The following PPP1R16B variants were observed in gnomAD, a reference collection of about 807,000 sequenced individuals.
PPP1R16B encodes protein phosphatase 1 regulatory subunit 16B, also known as protein phosphatase 1 regulatory inhibitor subunit 16B.
A neutral mutation model predicts 61.7 loss-of-function variants in PPP1R16B; 14 were observed. The ratio of observed to expected loss-of-function variants is 0.23; its 90% confidence interval spans 0.15 to 0.35. The LOEUF is 0.35. PPP1R16B is among the 10% of genes least tolerant of loss of function. The pLI is 1.00. For missense variants in PPP1R16B, 547 were observed against 752.5 expected (o/e 0.73, Z 3.19); for synonymous variants, 266 against 305.3 (o/e 0.87, Z 1.34).
chr20:38,817,672 T>G (rs1213465591), intron 1 of PPP1R16B, among the ~76,000 whole-genome samples: 1 of 152,004 alleles, frequency 6.6e-6, no homozygotes, highest in East Asian at 1.9e-4. Flanking sequence ...GCTATTGTCA[T>G]TTTAGCACTT....
At chr20:38,808,930 G>A (rs1167102908) in intron 1 of PPP1R16B, among the ~76,000 whole-genome samples, 2 of 152,128 alleles carry the variant, frequency 1.3e-5, no homozygotes, top group Non-Finnish European at 2.9e-5. Context: ...CTACTTGGGA[G>A]GCTGAGGCAC....
chr20:38,816,173 C>A (rs76642326), intron 1 of PPP1R16B, among the ~76,000 whole-genome samples: 1 of 151,842 alleles, frequency 6.6e-6, no homozygotes, highest in Non-Finnish European at 1.5e-5. Flanking sequence ...TTAGAATAGT[C>A]TCTTTGGTAG....
chr20:38,899,426 CCA>C (rs1455019759), intron 4 of PPP1R16B, among the ~76,000 whole-genome samples: 6 of 152,286 alleles, frequency 3.9e-5, no homozygotes, highest in Admixed American at 3.9e-4. Context: ...AAACAGATTC[CCA>C]TGCCCTACCC....
At chr20:38,835,082 A>T (rs1317503866) in intron 1 of PPP1R16B, among the ~76,000 whole-genome samples, 1 of 152,226 alleles carries the variant, frequency 6.6e-6, no homozygotes, top group Non-Finnish European at 1.5e-5. Context: ...GTTTTGACCT[A>T]TGGACTTCTT....
intron 1 of PPP1R16B, among the ~76,000 whole-genome samples, chr20:38,810,132 T>C (rs2084690944): frequency 6.6e-6 from 1 of 152,136 alleles, no homozygotes; most frequent in South Asian, 2.1e-4. Context: ...TGTGGGAGCA[T>C]GTTGAGCCCT....
At chr20:38,915,270 T>G (rs1247719424) in intron 10 of PPP1R16B, among the ~76,000 whole-genome samples, 2 of 152,162 alleles carry the variant, frequency 1.3e-5, no homozygotes, top group African/African-American at 2.4e-5. Context: ...CAGAATGCTC[T>G]CGCCACTTGG....
intron 10 of PPP1R16B, among the ~76,000 whole-genome samples, chr20:38,908,616 T>C (rs1365779216): frequency 1.3e-5 from 2 of 152,252 alleles, no homozygotes; most frequent in East Asian, 1.9e-4. Context: ...TTGAGAATTG[T>C]GTTTATCAGA....
chr20:38,836,801 A>G (rs2084875836), intron 2 of PPP1R16B, among the ~76,000 whole-genome samples: 1 of 152,360 alleles, frequency 6.6e-6, no homozygotes, highest in Middle Eastern at 3.4e-3. Context: ...AGTAGCTAGT[A>G]TTATAGGCAG....
rs11483114 is a variant in PPP1R16B, at chr20:38,821,040, C to CAAAA, written c.-101-14769_-101-14766dup. Among the ~76,000 whole-genome samples the CAAAA allele has an allele frequency of 1.6e-4, 20 of 121,562 alleles. No individual in the cohort carries two copies. The South Asian group carries it at 5.5e-3, about 33-fold the overall frequency. 79.7% of individuals were successfully genotyped at this position (121,562 alleles called of 152,430 possible). A position where few individuals can be genotyped will look rare whatever the true frequency, so the allele number is the denominator to read the frequency against. On this transcript the variant is annotated intron_variant, in intron 1 of 10. Transcript: ENST00000299824. ...TGGGTGACAGAGCAAGACTCCGTCT[C>CAAAA]AAAAAAAAAAAAAAAAAAATTTGGC...
intron 1 of PPP1R16B, among the ~76,000 whole-genome samples, chr20:38,817,634 G>C (rs557724730): frequency 1.3e-4 from 20 of 152,028 alleles, no homozygotes; most frequent in African/African-American, 4.6e-4. Context: ...GCTGAGCACG[G>C]TGCCTGGAAA....
chr20:38,869,389 C>T (rs2085111734), intron 2 of PPP1R16B, among the ~76,000 whole-genome samples: 1 of 152,076 alleles, frequency 6.6e-6, no homozygotes, highest in Non-Finnish European at 1.5e-5. Context: ...GAACTCCTGA[C>T]CTCAGGTGAT....
chr20:38,900,616 A>G lies in PPP1R16B; in HGVS notation c.503A>G (p.Asn168Ser). 2 of 1,601,472 alleles carry G rather than the reference A, an allele frequency of 1.2e-6. No individual in the cohort carries two copies. Among genetic ancestry groups the G allele is most frequent in the East Asian group, 2.3e-5 (1 of 43,914 alleles). Residue 168 changes from asparagine (N) to serine (S), a missense_variant, in exon 5 of 11, where the codon AAC (asparagine) becomes AGC (serine). Asn to Ser is a conservative substitution (Grantham distance 46). Transcript: ENST00000299824. Reference protein sequence around the residue: ...ADLLAVNSDGNMPYDLCEDEP... With the variant: ...ADLLAVNSDGSMPYDLCEDEP... ...TTGCTTGCTGTCAACTCGGATGGGA[A>G]CATGCCATATGACCTCTGCGAGGAT...
rs763446243 is a variant in PPP1R16B, at chr20:38,918,305, A to G, written c.1343A>G (p.His448Arg). Reference sequence around the variant, plus strand: ...GCCAACGGGGATGTCTGGAAGGTGCATGAGGTGCCTGACTACAGCATGGCC... The same window carrying G: ...GCCAACGGGGATGTCTGGAAGGTGCGTGAGGTGCCTGACTACAGCATGGCC... ...ALANGDVWKV[H>R]EVPDYSMAYG... The change falls in exon 11 of 11, where the codon CAT (histidine) becomes CGT (arginine). Residue 448 changes from histidine to arginine, a missense_variant. By Grantham distance (29) the His-to-Arg change is conservative (BLOSUM62 0). Coordinates refer to ENST00000299824, the MANE Select transcript of PPP1R16B (RefSeq NM_015568.4). This position sits in a 1 kb window ranked among gnomAD's most constrained non-coding sequence, Gnocchi z 5.3. The G allele has an allele frequency of 1.9e-6, 3 of 1,614,214 alleles. No homozygotes were observed. The highest frequency in any genetic ancestry group is 2.2e-5 in the East Asian group (1 of 44,872).
At chr20:38,824,192 C>T (rs2145711524) in intron 1 of PPP1R16B, among the ~76,000 whole-genome samples, 1 of 152,348 alleles carries the variant, frequency 6.6e-6, no homozygotes, top group East Asian at 1.9e-4. Flanking sequence ...ATGCTGGACA[C>T]AGAAGCTGCC....
intron 10 of PPP1R16B, among the ~76,000 whole-genome samples, chr20:38,913,652 T>C (rs925766100): frequency 6.6e-5 from 10 of 152,110 alleles, no homozygotes; most frequent in African/African-American, 1.9e-4. Context: ...GGCAAGATCT[T>C]GGAGGTCAAG....
intron 10 of PPP1R16B, among the ~76,000 whole-genome samples, chr20:38,917,221 G>A (rs1393577526): frequency 4.6e-5 from 7 of 151,694 alleles, no homozygotes; most frequent in East Asian, 1.9e-4. Context: ...GCTTGAACCC[G>A]GGAGGCAGAG....
At chr20:38,884,025 C>T (rs554442245) in intron 2 of PPP1R16B, among the ~76,000 whole-genome samples, 90 of 152,322 alleles carry the variant, frequency 5.9e-4, no homozygotes, top group African/African-American at 2.1e-3. Flanking sequence ...GGGCAAGAAG[C>T]TGCCCTGAGT....
chr20:38,893,038 C>T (rs969809030), intron 3 of PPP1R16B, among the ~76,000 whole-genome samples: 1 of 152,084 alleles, frequency 6.6e-6, no homozygotes, highest in African/African-American at 2.4e-5. Context: ...GACCTTGTAC[C>T]ACCAGGCTTC....
chr20:38,833,847 C>T (rs1176905151), intron 1 of PPP1R16B, among the ~76,000 whole-genome samples: 2 of 152,240 alleles, frequency 1.3e-5, no homozygotes, highest in Non-Finnish European at 2.9e-5. Flanking sequence ...GGATCTGACC[C>T]AATCTGAGCA....
Sources: gnomAD v4.1 joint callset for allele counts (sites outside exome capture counted in the v4.1 genomes callset) on GRCh38, gnomAD v4.1.1 for gene constraint, Gnocchi (gnomAD v3.1) non-coding constraint, MANE v1.5 for transcripts, NCBI Gene and HGNC (gene_info 2026-07-23, HGNC 2026-07-21) for gene names.